Variants in PKHD1 observed in about 807,000 individuals in gnomAD.
PKHD1 encodes the protein fibrocystin.
PKHD1 carries 291 observed loss-of-function variants against 412.0 expected under a neutral mutation model. The observed-to-expected ratio is 0.71, with a 90% confidence interval of 0.64 to 0.78. The LOEUF is 0.78. Ranked by LOEUF, PKHD1 falls within the 30% of genes least tolerant of loss-of-function variation. PKHD1 has a pLI of 0.00. For synonymous variants in PKHD1, 1,777 were observed against 1,821.5 expected, an observed-to-expected ratio of 0.98 and a Z score of 0.62; for missense variants, 4,825 against 4,950.7, an observed-to-expected ratio of 0.97 and a Z score of 0.76.
chr6:51,788,802 C>A (rs1793283944), intron 53 of PKHD1, among the ~76,000 whole-genome samples: 1 of 151,088 alleles, frequency 6.6e-6, no homozygotes, highest in South Asian at 2.1e-4. Context: ...TCTGTGGGCA[C>A]CCTGGCTGAT....
Position 51,847,852 on chromosome 6 carries a change from G to T in PKHD1, c.8030C>A (p.Pro2677Gln). The stretch of plus-strand genomic sequence containing the variant: ...GTTCTGACCTGGTGATGGAAGAAAT[G>T]GAAAAGACAGACCCACTCGACTCCC... ...RCGSRVGLSFPFLPSPGQNQG... is the reference protein window; with the variant it reads ...RCGSRVGLSFQFLPSPGQNQG... Residue 2677 changes from proline (P) to glutamine (Q), a missense_variant, in exon 50 of 67, where the codon CCA becomes CAA. Transcript: ENST00000371117. 2 of 1,614,054 alleles carry T rather than the reference G, an allele frequency of 1.2e-6. No homozygotes were observed. The highest frequency in any genetic ancestry group is 8.5e-7 in the Non-Finnish European group (1 of 1,179,914).
At chr6:51,817,267 A>G (rs1765615779) in intron 52 of PKHD1, among the ~76,000 whole-genome samples, 1 of 152,048 alleles carries the variant, frequency 6.6e-6, no homozygotes, top group Admixed American at 6.6e-5. Context: ...CTAAATGTAA[A>G]CCCTATTCAC....
At chr6:51,937,387 A>G (rs1349912083) in intron 36 of PKHD1, among the ~76,000 whole-genome samples, 1 of 152,222 alleles carries the variant, frequency 6.6e-6, no homozygotes, top group Admixed American at 6.5e-5. Flanking sequence ...GCCCCAGGCC[A>G]TGGTCACTGA....
At chr6:51,721,498 T>C in intron 60 of PKHD1, 1 of 925,286 alleles carries the variant, frequency 1.1e-6, no homozygotes, top group Non-Finnish European at 1.3e-6. Context: ...ATCACTTTAT[T>C]CCAGATAATT....
chr6:52,057,100 T>C, intron 16 of PKHD1, 121 bp from the exon 17 acceptor site: 1 of 737,178 alleles, frequency 1.4e-6, no homozygotes, highest in Non-Finnish European at 2.4e-6. Flanking sequence ...TTTTAACTTT[T>C]CAATGCTTTA....
intron 50 of PKHD1, among the ~76,000 whole-genome samples, chr6:51,844,421 C>T (rs1044471694): frequency 4.6e-5 from 7 of 152,176 alleles, no homozygotes; most frequent in Admixed American, 1.3e-4. Context: ...ATATTGTATG[C>T]GTATGATTTT....
chr6:51,906,257 T>C lies in PKHD1; in HGVS notation c.6766A>G (p.Ser2256Gly). The C allele has an allele frequency of 1.2e-6, 2 of 1,611,570 alleles. No individual in the cohort carries two copies. Among genetic ancestry groups the C allele is most frequent in the Non-Finnish European group, 1.7e-6 (2 of 1,177,908 alleles). ...CCTAAAATATTGTAGAATACATTAC[T>C]GTCCACCTTCAGGCCCAAGGTCCCG... The part of the protein sequence containing the change: ...MCGTLGLKVD[S>G]NVFYNILGHA... Residue 2256 changes from serine to glycine, a missense_variant, in exon 41 of 67, where the codon AGT becomes GGT. Transcript: ENST00000371117.
At chr6:51,835,099 T>C (rs899232163) in intron 51 of PKHD1, among the ~76,000 whole-genome samples, 6 of 152,198 alleles carry the variant, frequency 3.9e-5, no homozygotes, top group Non-Finnish European at 7.3e-5. Context: ...TAATTGACAG[T>C]TGTAATGCAA....
rs1331934043 is a variant in PKHD1 at position 51,667,252 on chromosome 6, T to C, written c.10157-7283A>G. ...GATTGCCATTCTAACTGGTGTGAGA[T>C]GGTATCTCATTGTGGTTTTGATTTG... is the stretch of plus-strand genomic sequence containing the variant. On this transcript the variant is annotated intron_variant, in intron 60 of 66. Coordinates refer to ENST00000371117, the MANE Select transcript of PKHD1 (RefSeq NM_138694.4). 4.7e-5 allele frequency among the ~76,000 whole-genome samples: 7 copies of C among 148,458 alleles called. No homozygotes were observed. The East Asian group carries it at 9.9e-4, about 21-fold the overall frequency.
At chr6:51,772,837 A>C in intron 54 of PKHD1, 48 bp from the exon 55 acceptor site, 1 of 1,054,734 alleles carries the variant, frequency 9.5e-7, no homozygotes, top group Non-Finnish European at 1.5e-6. Flanking sequence ...CTTCAGAGGA[A>C]TGAAAGCCAG....
chr6:51,851,727 T>C (rs1772283213), intron 49 of PKHD1, among the ~76,000 whole-genome samples: 3 of 152,190 alleles, frequency 2.0e-5, no homozygotes, highest in South Asian at 2.1e-4. Flanking sequence ...TGATGGTAGT[T>C]TGTATTTCTG....
chr6:52,085,740 G>A (rs1812682247), intron 1 of PKHD1, among the ~76,000 whole-genome samples: 1 of 152,140 alleles, frequency 6.6e-6, no homozygotes, highest in Admixed American at 6.5e-5. Flanking sequence ...CCTTCCTAGT[G>A]TGAAAGTGTG....
chr6:51,685,414 G>C (rs554261960), intron 60 of PKHD1, among the ~76,000 whole-genome samples: 1 of 152,168 alleles, frequency 6.6e-6, no homozygotes, highest in Non-Finnish European at 1.5e-5. Context: ...AAGAATAGAA[G>C]TATTTCCTCT....
In PKHD1 at chr6:52,025,809, A is replaced by C. The variant is rs1802073885; in HGVS notation, c.4001T>G (p.Leu1334Arg). The C allele has an allele frequency of 1.9e-6, 3 of 1,614,202 alleles. No homozygotes were observed. The highest frequency in any genetic ancestry group is 2.5e-6 in the Non-Finnish European group (3 of 1,180,032). The change falls in exon 32 of 67, where the codon CTG becomes CGG. Residue 1334 changes from leucine (L) to arginine (R), a missense_variant. By Grantham distance (102) the Leu-to-Arg change is moderately radical. Transcript: ENST00000371117. ...GGACTGTGTCTCAACATCACAGTTC[A>C]GGTTCCCCAGAAGGATGACTGAGTT... is the stretch of plus-strand genomic sequence containing the variant. ...LSNSVILLGN[L>R]NCDVETQSFQ...
intron 60 of PKHD1, among the ~76,000 whole-genome samples, chr6:51,704,795 G>A (rs1403332372): frequency 6.6e-6 from 1 of 152,066 alleles, no homozygotes; most frequent in Non-Finnish European, 1.5e-5. Flanking sequence ...GTAAGACTAG[G>A]TTAGAGATAG....
In PKHD1 at chr6:51,659,508, C is replaced by T; in HGVS notation, c.10618G>A (p.Asp3540Asn). 2 of 1,613,638 alleles carry T rather than the reference C, an allele frequency of 1.2e-6. No individual in the cohort carries two copies. The highest frequency in any genetic ancestry group is 1.7e-6 in the Non-Finnish European group (2 of 1,179,808). Residue 3540 changes from aspartate to asparagine, a missense_variant, in exon 61 of 67, where the codon GAT becomes AAT. Asp to Asn is a conservative substitution (Grantham distance 23). Transcript: ENST00000371117. ...SIGANYFNIM[D>N]NLLYVVLQGE... Reference sequence around the variant, plus strand: ...TGTAGGACAACATACAAGAGGTTATCCATGATGTTGAAATAGTTGGCACCA... The same window carrying T: ...TGTAGGACAACATACAAGAGGTTATTCATGATGTTGAAATAGTTGGCACCA...
chr6:52,017,438 A>G lies in PKHD1; in HGVS notation c.5572T>C (p.Phe1858Leu). 1 of 1,613,620 alleles carries G rather than the reference A, an allele frequency of 6.2e-7. No individual in the cohort carries two copies. The highest frequency in any genetic ancestry group is 2.2e-5 in the East Asian group (1 of 44,884). ...FVPDHWAESMFPSFSGLFISP... is the reference protein window; with the variant it reads ...FVPDHWAESMLPSFSGLFISP... ...ATAAAGAGGCCCGAGAATGATGGAA[A>G]CATTGACTCTGCCCAATGATCTGGC... Residue 1858 changes from phenylalanine to leucine, a missense_variant, in exon 34 of 67, where the codon TTT (phenylalanine) becomes CTT (leucine). Coordinates refer to ENST00000371117, the MANE Select transcript of PKHD1 (RefSeq NM_138694.4).
chr6:51,678,480 T>C (rs1776182525), intron 60 of PKHD1, among the ~76,000 whole-genome samples: 1 of 152,186 alleles, frequency 6.6e-6, no homozygotes, highest in East Asian at 1.9e-4. Context: ...GAACAGCACC[T>C]GAAGTGTTGC....
chr6:51,988,355 ATAAT>A (rs1380511737), intron 35 of PKHD1, among the ~76,000 whole-genome samples: 1 of 152,232 alleles, frequency 6.6e-6, no homozygotes, highest in Non-Finnish European at 1.5e-5. Flanking sequence ...CTCAAACATA[ATAAT>A]TAATTCTATT....
Sources: allele counts gnomAD v4.1 joint callset (sites outside exome capture counted in the v4.1 genomes callset), GRCh38; gene constraint gnomAD v4.1.1; transcripts MANE v1.5; gene names NCBI Gene and HGNC (gene_info 2026-07-23, HGNC 2026-07-21).